Variants in VANGL2 observed in about 807,000 individuals in gnomAD.
VANGL2 encodes VANGL planar cell polarity protein 2, also known as vang-like protein 2.
In VANGL2, 14 loss-of-function variants were observed where a neutral mutation model predicts 50.2. That is an observed-to-expected ratio of 0.28 (90% CI 0.18 to 0.44). The LOEUF is 0.44. Among genes scored for constraint, VANGL2 ranks in the 20% least tolerant of loss-of-function variants. VANGL2 has a pLI of 1.00. For synonymous variants in VANGL2, 295 were observed against 297.2 expected (o/e 0.99, Z 0.08); for missense variants, 533 against 701.5 (o/e 0.76, Z 2.71).
chr1:160,410,055 C>T (rs773766214), intron 1 of VANGL2, among the ~76,000 whole-genome samples: 1 of 152,122 alleles, frequency 6.6e-6, no homozygotes, highest in African/African-American at 2.4e-5. Context: ...GGCCCACAGA[C>T]GACTCTTCAG....
Position 160,419,151 on chromosome 1 carries a change from C to T in VANGL2, c.342C>T (p.Thr114=). 3 of 1,614,144 alleles carry T rather than the reference C, an allele frequency of 1.9e-6. No individual in the cohort carries two copies. Among genetic ancestry groups the T allele is most frequent in the Middle Eastern group, 3.3e-4 (2 of 6,062 alleles). ...ACCTGGGTGTGGCAGCGGGGGCCACCCTGGCACTGCTGTCTTTCCTCACGC... is the reference window on the plus strand; with the variant it reads ...ACCTGGGTGTGGCAGCGGGGGCCACTCTGGCACTGCTGTCTTTCCTCACGC... ...SRHLGVAAGA[T]LALLSFLTPL... Residue 114 remains threonine (T), a synonymous_variant, in exon 4 of 8, where the codon ACC becomes ACT. Coordinates refer to ENST00000368061, the MANE Select transcript of VANGL2 (RefSeq NM_020335.3). This position sits in a 1 kb window ranked among gnomAD's most constrained non-coding sequence, Gnocchi z 5.8.
At chr1:160,409,371 T>G (rs1320525917) in intron 1 of VANGL2, among the ~76,000 whole-genome samples, 1 of 152,140 alleles carries the variant, frequency 6.6e-6, no homozygotes, top group Non-Finnish European at 1.5e-5. Flanking sequence ...GTTGTCCCTC[T>G]AAGGCCCCTT....
intron 3 of VANGL2, among the ~76,000 whole-genome samples, 166 bp downstream of exon 3, chr1:160,416,348 AGGAC>A (rs1651059115): frequency 6.6e-6 from 1 of 152,278 alleles, no homozygotes; most frequent in Middle Eastern, 3.4e-3. Context: ...GTCTTAAGGT[AGGAC>A]CTTCAGGAAT....
At chr1:160,402,505 TC>T (rs1650508782) in intron 1 of VANGL2, among the ~76,000 whole-genome samples, 1 of 152,144 alleles carries the variant, frequency 6.6e-6, no homozygotes, top group Middle Eastern at 3.2e-3. Flanking sequence ...CAGCTTGGGT[TC>T]CCTGCCCATG....
chr1:160,425,035 GT>G, intron 7 of VANGL2, 82 bp from the exon 8 acceptor site: 5 of 1,604,692 alleles, frequency 3.1e-6, no homozygotes, highest in Non-Finnish European at 4.3e-6. Flanking sequence ...CGTCCTTCTT[GT>G]CTTTGGAAAC....
rs112160063 is a variant in VANGL2 at position 160,427,554 on chromosome 1, C to CATT, written c.*2205_*2207dup. 0.093 allele frequency: 13,657 copies of CATT among 146,500 alleles called. 713 individuals are homozygous for CATT. Among genetic ancestry groups the CATT allele is most frequent in the African/African-American group, 0.11 (4,208 of 39,910 alleles). The allele number at this position is 146,500 out of a possible 1,614,324, so 9.1% of individuals were successfully genotyped here. A position where few individuals can be genotyped will look rare whatever the true frequency, so the allele number is the denominator to read the frequency against. On this transcript the variant is annotated 3_prime_UTR_variant, in exon 8 of 8. Coordinates refer to ENST00000368061, the MANE Select transcript of VANGL2 (RefSeq NM_020335.3). ...GAACTGTGGTATCTTTGTCTTTTTT[C>CATT]ATTATTATTATTATTATTATTATTA...
intron 1 of VANGL2, among the ~76,000 whole-genome samples, chr1:160,410,690 A>G (rs1650850222): frequency 7.0e-6 from 1 of 143,838 alleles, no homozygotes; most frequent in East Asian, 2.0e-4. Flanking sequence ...ACACACACAC[A>G]CACACACACG....
intron 1 of VANGL2, among the ~76,000 whole-genome samples, chr1:160,412,516 A>G (rs1383681090): frequency 2.0e-5 from 3 of 152,188 alleles, no homozygotes; most frequent in Non-Finnish European, 4.4e-5. Flanking sequence ...GGTCCTCAGG[A>G]GAGTGGGTAG....
chr1:160,417,440 T>C (rs1230807762), intron 3 of VANGL2, among the ~76,000 whole-genome samples: 1 of 152,152 alleles, frequency 6.6e-6, no homozygotes, highest in Non-Finnish European at 1.5e-5. Flanking sequence ...AGACCACACT[T>C]AGAGGGACAC....
intron 3 of VANGL2, among the ~76,000 whole-genome samples, chr1:160,417,442 G>A (rs1433852251): frequency 6.6e-6 from 1 of 152,182 alleles, no homozygotes; most frequent in Non-Finnish European, 1.5e-5. Flanking sequence ...ACCACACTTA[G>A]AGGGACACCT....
intron 1 of VANGL2, among the ~76,000 whole-genome samples, chr1:160,411,401 C>T (rs572264357): frequency 2.0e-5 from 3 of 152,114 alleles, no homozygotes; most frequent in Admixed American, 6.5e-5. Context: ...CCCCTCCCCC[C>T]ATCTCTTCCC....
intron 1 of VANGL2, among the ~76,000 whole-genome samples, chr1:160,402,021 G>A (rs1025845508): frequency 6.6e-6 from 1 of 152,202 alleles, no homozygotes; most frequent in African/African-American, 2.4e-5. Context: ...GCTGTCTGCA[G>A]GATTTTGAGA....
rs1165394442 is a variant in VANGL2, at chr1:160,425,001, A to C, written c.1306-117A>C. The C allele has an allele frequency of 2.9e-6, 4 of 1,402,980 alleles. No homozygotes were observed. The East Asian group carries it at 9.1e-5, about 32-fold the overall frequency. The allele number at this position is 1,402,980 out of a possible 1,614,324, so 86.9% of individuals were successfully genotyped here. A position where few individuals can be genotyped will look rare whatever the true frequency, so the allele number is the denominator to read the frequency against. ...CTGTAACATTCTGAGGTTCTAGTTC[A>C]TATGCATAGAGTGAGCTCAGGGACG... is the stretch of plus-strand genomic sequence containing the variant. On this transcript the variant is annotated intron_variant, in intron 7 of 7. Transcript: ENST00000368061.
In VANGL2 at chr1:160,419,466, C is replaced by G. The variant is rs779755960; in HGVS notation, c.657C>G (p.Ala219=). Residue 219 remains alanine, a synonymous_variant, in exon 4 of 8, where the codon GCC becomes GCG. Transcript: ENST00000368061. The surrounding 1 kb of genome is among the most constrained non-coding windows in gnomAD (Gnocchi z 5.8). The part of the protein sequence containing the change: ...ERSYQGVVQF[A]VSLVDALLFV... ...GCTACCAGGGCGTGGTGCAGTTCGC[C>G]GTGTCGCTGGTGGACGCCCTTCTTT... 2 of 1,608,724 alleles carry G rather than the reference C, an allele frequency of 1.2e-6. No individual in the cohort carries two copies. Among genetic ancestry groups the G allele is most frequent in the East Asian group, 2.2e-5 (1 of 44,880 alleles).
chr1:160,410,675 T>TACAC (rs111892045), intron 1 of VANGL2, among the ~76,000 whole-genome samples: 362 of 143,360 alleles, frequency 2.5e-3, no homozygotes, highest in South Asian at 7.6e-3. Flanking sequence ...ACCCCCCTTA[T>TACAC]ACACACACAC....
Position 160,427,301 on chromosome 1 carries a change from T to C in VANGL2, c.*1923T>C, listed in dbSNP as rs1651490568. 1 of 152,462 alleles carries C rather than the reference T, an allele frequency of 6.6e-6. No individual in the cohort carries two copies. The highest frequency in any genetic ancestry group is 2.4e-5 in the African/African-American group (1 of 41,338). 9.4% of individuals were successfully genotyped at this position (152,462 alleles called of 1,614,324 possible). A position where few individuals can be genotyped will look rare whatever the true frequency, so the allele number is the denominator to read the frequency against. ...TTGCCTTTGTGGACAGGATGGAGTG[T>C]GGTGTGGTCTGAGGAGCAGGTTGGG... On this transcript the variant is annotated 3_prime_UTR_variant, in exon 8 of 8. Transcript: ENST00000368061.
intron 3 of VANGL2, among the ~76,000 whole-genome samples, chr1:160,418,475 G>A (rs1651137983): frequency 6.6e-6 from 1 of 150,914 alleles, no homozygotes; most frequent in East Asian, 1.9e-4. Flanking sequence ...TTTTTTAAAG[G>A]TTCACAAGCA....
rs149376089 is a variant in VANGL2 at position 160,420,389 on chromosome 1, C to A, written c.801-22C>A. 15,854 of 1,613,984 alleles carry A rather than the reference C, an allele frequency of 9.8e-3. 105 individuals are homozygous for A. Among genetic ancestry groups the A allele is most frequent in the Middle Eastern group, 0.014 (85 of 6,060 alleles). ...CCTTGGTCTGTCCCTTCTCCCACCC[C>A]CTCCTGCCGTCTCCCCCACAGCATC... is the stretch of plus-strand genomic sequence containing the variant. On this transcript the variant is annotated intron_variant, in intron 4 of 7. Coordinates refer to ENST00000368061, the MANE Select transcript of VANGL2 (RefSeq NM_020335.3).
Position 160,425,442 on chromosome 1 carries a change from T to C in VANGL2, c.*64T>C. On this transcript the variant is annotated 3_prime_UTR_variant, in exon 8 of 8. Transcript: ENST00000368061. ...CCTGAGGGGGTGGGAGGGGGCTTGG[T>C]TCTCAGGCCCAGCCACATTCCTGCC... 1 of 1,063,424 alleles carries C rather than the reference T, an allele frequency of 9.4e-7. No individual in the cohort carries two copies. The highest frequency in any genetic ancestry group is 1.3e-6 in the Non-Finnish European group (1 of 762,342). The allele number at this position is 1,063,424 out of a possible 1,614,324, so 65.9% of individuals were successfully genotyped here. A position where few individuals can be genotyped will look rare whatever the true frequency, so the allele number is the denominator to read the frequency against.
Sources: gnomAD v4.1 joint callset for allele counts (sites outside exome capture counted in the v4.1 genomes callset) on GRCh38, gnomAD v4.1.1 for gene constraint, Gnocchi (gnomAD v3.1) non-coding constraint, MANE v1.5 for transcripts, NCBI Gene and HGNC (gene_info 2026-07-23, HGNC 2026-07-21) for gene names.